Variants in TMEM94 observed in about 807,000 individuals in gnomAD.
The protein encoded by TMEM94 is transmembrane protein 94.
TMEM94 carries 81 observed loss-of-function variants against 158.6 expected under a neutral mutation model. That is an observed-to-expected ratio of 0.51 (90% confidence interval 0.43 to 0.61). The LOEUF is 0.61. TMEM94 is among the 20% of genes least tolerant of loss of function. The pLI, the probability that TMEM94 is intolerant of heterozygous loss-of-function variation, is 0.00. For synonymous variants in TMEM94, 751 were observed against 730.7 expected (o/e 1.03, Z -0.45); for missense variants, 1,435 against 1,762.0 (o/e 0.81, Z 3.32).
chr17:75,485,337 T>C lies in TMEM94; in HGVS notation c.25-91T>C, dbSNP rs2146546249. 6.8e-7 allele frequency: 1 copy of C among 1,461,996 alleles called. No homozygotes were observed. Among genetic ancestry groups the C allele is most frequent in the African/African-American group, 1.4e-5 (1 of 71,624 alleles). 90.6% of individuals were successfully genotyped at this position (1,461,996 alleles called of 1,614,324 possible). On this transcript the variant is annotated intron_variant, in intron 2 of 31. Transcript: ENST00000314256. The surrounding 1 kb of genome is among the most constrained non-coding windows in gnomAD (Gnocchi z 5.5). ...TGAGGATCCCAGAGGAGGGGAAGGA[T>C]GAAGGGCCAGGGAAGGGGAGGGTTG...
Position 75,496,733 on chromosome 17 carries a change from C to T in TMEM94, c.3247C>T (p.Arg1083Trp), listed in dbSNP as rs748214623. Residue 1083 changes from arginine to tryptophan, a missense_variant, in exon 25 of 32, where the codon CGG (arginine) becomes TGG (tryptophan). Transcript: ENST00000314256. ...ISIIRLIEQA[R>W]HATYGIRKCF... ...ATCTGTCCCTCTTGGTCCCTAGGCT[C>T]GGCATGCCACCTATGGCATCCGTAA... The T allele has an allele frequency of 4.3e-6, 7 of 1,613,652 alleles. No homozygotes were observed. Among genetic ancestry groups the T allele is most frequent in the Admixed American group, 1.7e-5 (1 of 60,004 alleles).
In TMEM94 at chr17:75,485,846, T is replaced by A; in HGVS notation, c.145-25T>A. On this transcript the variant is annotated intron_variant, in intron 3 of 31. Transcript: ENST00000314256. This position sits in a 1 kb window ranked among gnomAD's most constrained non-coding sequence, Gnocchi z 5.5. ...TTGGAGTGGGACAGGCCTCTCATTG[T>A]CCCCTCCCTGTCCGAACTTCCCAGG... The A allele has an allele frequency of 6.3e-7, 1 of 1,597,142 alleles. No homozygotes were observed. Among genetic ancestry groups the A allele is most frequent in the Non-Finnish European group, 8.5e-7 (1 of 1,170,258 alleles).
Position 75,489,776 on chromosome 17 carries a change from T to C in TMEM94, c.954+114T>C. Reference sequence around the variant, plus strand: ...TGCAGCCCAGAGGTCCCCTCACGCTTCAGCTTAAGAACACCTCTTTCCAGC... The same window carrying C: ...TGCAGCCCAGAGGTCCCCTCACGCTCCAGCTTAAGAACACCTCTTTCCAGC... On this transcript the variant is annotated intron_variant, in intron 9 of 31. Coordinates refer to ENST00000314256, the MANE Select transcript of TMEM94 (RefSeq NM_014738.6). The surrounding 1 kb of genome is among the most constrained non-coding windows in gnomAD (Gnocchi z 5.0). 1.1e-6 allele frequency: 1 copy of C among 924,676 alleles called. No individual in the cohort carries two copies. Among genetic ancestry groups the C allele is most frequent in the Non-Finnish European group, 1.7e-6 (1 of 585,716 alleles). 57.3% of individuals were successfully genotyped at this position (924,676 alleles called of 1,614,324 possible). A position where few individuals can be genotyped will look rare whatever the true frequency, so the allele number is the denominator to read the frequency against.
At position 75,485,835 on chromosome 17, in the gene TMEM94, G is replaced by T. The variant is rs1366370807; in HGVS notation, c.145-36G>T. 6.3e-7 allele frequency: 1 copy of T among 1,585,928 alleles called. No individual in the cohort carries two copies. The highest frequency in any genetic ancestry group is 8.6e-7 in the Non-Finnish European group (1 of 1,163,790). On this transcript the variant is annotated intron_variant, in intron 3 of 31. Transcript: ENST00000314256. The surrounding 1 kb of genome is among the most constrained non-coding windows in gnomAD (Gnocchi z 5.5). ...AGGCAGCCAGATTGGAGTGGGACAG[G>T]CCTCTCATTGTCCCCTCCCTGTCCG...
At chr17:75,477,971 A>ACTCCAG (rs1246189021) in intron 2 of TMEM94, among the ~76,000 whole-genome samples, 3 of 122,732 alleles carry the variant, frequency 2.4e-5, no homozygotes, top group Non-Finnish European at 5.0e-5. Context: ...GCACCACTGC[A>ACTCCAG]CTCCAGCCTG....
At position 75,485,657 on chromosome 17, in the gene TMEM94, A is replaced by G. The variant is rs894332511; in HGVS notation, c.144+110A>G. On this transcript the variant is annotated intron_variant, in intron 3 of 31. Coordinates refer to ENST00000314256, the MANE Select transcript of TMEM94 (RefSeq NM_014738.6). This position sits in a 1 kb window ranked among gnomAD's most constrained non-coding sequence, Gnocchi z 5.5. ...CTGTCACCCTGGACAGTGTGACCCAACTGAGGCCTCATGAAATATCAGAAA... is the reference window on the plus strand; with the variant it reads ...CTGTCACCCTGGACAGTGTGACCCAGCTGAGGCCTCATGAAATATCAGAAA... 8 of 1,467,100 alleles carry G rather than the reference A, an allele frequency of 5.5e-6. No individual in the cohort carries two copies. The Admixed American group carries it at 1.5e-4, about 28-fold the overall frequency. 90.9% of individuals were successfully genotyped at this position (1,467,100 alleles called of 1,614,324 possible). A position where few individuals can be genotyped will look rare whatever the true frequency, so the allele number is the denominator to read the frequency against.
At chr17:75,480,095 A>C (rs1418092469) in intron 2 of TMEM94, among the ~76,000 whole-genome samples, 3 of 124,872 alleles carry the variant, frequency 2.4e-5, no homozygotes, top group African/African-American at 4.5e-5. Flanking sequence ...GTCTCAAAGG[A>C]AAAAAAAAAA....
intron 2 of TMEM94, among the ~76,000 whole-genome samples, chr17:75,474,576 G>C (rs746696401): frequency 3.3e-5 from 5 of 152,202 alleles, no homozygotes; most frequent in Non-Finnish European, 7.3e-5. Context: ...GGGAGGCAGA[G>C]GTTGCAGTTA....
intron 1 of TMEM94, among the ~76,000 whole-genome samples, chr17:75,460,907 T>C (rs6501806): frequency 0.89 from 134,939 of 151,996 alleles, 60,728 homozygotes; most frequent in African/African-American, 0.97. Context: ...CCCTCATCAC[T>C]ATCCATCTCC....
chr17:75,475,506 A>C (rs920695301), intron 2 of TMEM94, among the ~76,000 whole-genome samples: 1 of 152,224 alleles, frequency 6.6e-6, no homozygotes, highest in Non-Finnish European at 1.5e-5. Context: ...GGTTTTAGGC[A>C]GAGAAGTGTC....
In TMEM94 at chr17:75,496,820, C is replaced by T. The variant is rs781532323; in HGVS notation, c.3321+13C>T. 1 of 1,612,302 alleles carries T rather than the reference C, an allele frequency of 6.2e-7. No individual in the cohort carries two copies. Among genetic ancestry groups the T allele is most frequent in the Non-Finnish European group, 8.5e-7 (1 of 1,179,288 alleles). ...TGTGGTCATCCAGGTGAGGTGGGGCCCGCACAGGCATTGCCCCCGTGCCAC... is the reference window on the plus strand; with the variant it reads ...TGTGGTCATCCAGGTGAGGTGGGGCTCGCACAGGCATTGCCCCCGTGCCAC... On this transcript the variant is annotated intron_variant, in intron 25 of 31. Transcript: ENST00000314256.
At position 75,471,794 on chromosome 17, in the gene TMEM94, C is replaced by A; in HGVS notation, c.-106-6C>A. 2 of 1,037,136 alleles carry A rather than the reference C, an allele frequency of 1.9e-6. No homozygotes were observed. The highest frequency in any genetic ancestry group is 2.4e-5 in the East Asian group (1 of 41,040). 64.2% of individuals were successfully genotyped at this position (1,037,136 alleles called of 1,614,324 possible). A position where few individuals can be genotyped will look rare whatever the true frequency, so the allele number is the denominator to read the frequency against. ...CCTGAGTGATTTCTTTCTTCTTTTT[C>A]CCCAGATGTTGTGACTGTGACAGAC... On this transcript the variant is annotated splice_region_variant and splice_polypyrimidine_tract_variant and intron_variant, in intron 1 of 31. Coordinates refer to ENST00000314256, the MANE Select transcript of TMEM94 (RefSeq NM_014738.6).
chr17:75,458,663 C>T (rs1384246770), intron 1 of TMEM94, among the ~76,000 whole-genome samples: 1 of 150,136 alleles, frequency 6.7e-6, no homozygotes. Flanking sequence ...TGCACTCACT[C>T]TAGCCTGGGC....
At chr17:75,459,593 A>G (rs868794642) in intron 1 of TMEM94, 1 of 152,220 alleles carries the variant, frequency 6.6e-6, no homozygotes, top group South Asian at 2.1e-4. Flanking sequence ...AACAGTTTCT[A>G]TAGGAGAGGG....
At chr17:75,461,868 C>T (rs1193072018) in intron 1 of TMEM94, among the ~76,000 whole-genome samples, 4 of 148,562 alleles carry the variant, frequency 2.7e-5, no homozygotes, top group Admixed American at 6.7e-5. Context: ...GAGTCGAGAT[C>T]GTGCCACTGC....
In TMEM94 at chr17:75,493,358, C is replaced by T. The variant is rs776466073; in HGVS notation, c.2087-133C>T. 2.8e-5 allele frequency: 26 copies of T among 937,562 alleles called. 1 individual carries two copies. The highest frequency in any genetic ancestry group is 2.2e-4 in the Middle Eastern group (1 of 4,558). 58.1% of individuals were successfully genotyped at this position (937,562 alleles called of 1,614,324 possible). On this transcript the variant is annotated intron_variant, in intron 16 of 31. Transcript: ENST00000314256. ...AGTGGCATTGCAGAGCCTTGCTGTC[C>T]GTGAGTCCCAGGGAGTCTCCTCCTC... is the stretch of plus-strand genomic sequence containing the variant.
intron 1 of TMEM94, among the ~76,000 whole-genome samples, chr17:75,463,124 ATACG>A (rs1441785229): frequency 0.27 from 1,816 of 6,732 alleles, 289 homozygotes; most frequent in Middle Eastern, 0.57. Flanking sequence ...ATGTATATAT[ATACG>A]TGTATATATG....
At position 75,461,254 on chromosome 17, in the gene TMEM94, C is replaced by T. The variant is rs139578356; in HGVS notation, c.-107+4503C>T. On this transcript the variant is annotated intron_variant, in intron 1 of 31. Coordinates refer to ENST00000314256, the MANE Select transcript of TMEM94 (RefSeq NM_014738.6). The stretch of plus-strand genomic sequence containing the variant: ...AGCTGGGAATATAGGTGCACACTAC[C>T]GTGCCCGGCTAATTTTTGTATTTTT... Among the ~76,000 whole-genome samples, 20 of 152,056 alleles carry T rather than the reference C, an allele frequency of 1.3e-4. 1 individual carries two copies. In the East Asian group the frequency reaches 3.3e-3, roughly 25 times the overall value.
In TMEM94 at chr17:75,491,969, C is replaced by G; in HGVS notation, c.1596+69C>G. 6.9e-7 allele frequency: 1 copy of G among 1,452,310 alleles called. No individual in the cohort carries two copies. The highest frequency in any genetic ancestry group is 9.4e-7 in the Non-Finnish European group (1 of 1,058,610). The allele number at this position is 1,452,310 out of a possible 1,614,324, so 90.0% of individuals were successfully genotyped here. On this transcript the variant is annotated intron_variant, in intron 14 of 31. Transcript: ENST00000314256. This position sits in a 1 kb window ranked among gnomAD's most constrained non-coding sequence, Gnocchi z 5.1. ...AGGCTGTCCTGGCCTCCCTGGCCAG[C>G]CTGGCCTCACAAGGTCTGAAAGAGC...
Sources: gnomAD v4.1 joint callset for allele counts (sites outside exome capture counted in the v4.1 genomes callset) on GRCh38, gnomAD v4.1.1 for gene constraint, Gnocchi (gnomAD v3.1) non-coding constraint, MANE v1.5 for transcripts, NCBI Gene and HGNC (gene_info 2026-07-23, HGNC 2026-07-21) for gene names.